The following DOK4 variants were observed in gnomAD, a reference collection of about 807,000 sequenced individuals.
The protein encoded by DOK4 is downstream of tyrosine kinase 4.
In DOK4, 26 loss-of-function variants were observed where a neutral mutation model predicts 40.1. The ratio of observed to expected loss-of-function variants is 0.65; its 90% CI spans 0.48 to 0.90. DOK4 has a LOEUF of 0.90. DOK4 is among the 40% of genes least tolerant of loss of function. The pLI, the probability that DOK4 is intolerant of heterozygous loss-of-function variation, is 0.00. For synonymous variants in DOK4, 179 were observed against 177.0 expected (o/e 1.01, Z -0.09); for missense variants, 392 against 437.2 (o/e 0.90, Z 0.92).
At chr16:57,486,097 A>C (rs1325849952) in intron 1 of DOK4, among the ~76,000 whole-genome samples, 1 of 151,818 alleles carries the variant, frequency 6.6e-6, no homozygotes. Flanking sequence ...CTGCGGGTGG[A>C]GAGAGCGCAG....
exon 3 of DOK4, chr16:57,475,895 C>G (rs750739748): frequency 6.2e-7 from 1 of 1,613,662 alleles, no homozygotes; most frequent in Admixed American, 1.7e-5. Context: ...CTGGATACTT[C>G]TCCAGCCGCT....
intron 4 of DOK4, 121 bp from the exon 5 acceptor site, chr16:57,475,340 G>T: frequency 6.6e-7 from 1 of 1,508,732 alleles, no homozygotes; most frequent in South Asian, 1.2e-5. Flanking sequence ...CTGCCTGCCT[G>T]TCTTGCCTCA....
At chr16:57,472,137 G>C (rs2146608831) in exon 9 of DOK4, 1 of 152,634 alleles carries the variant, frequency 6.6e-6, no homozygotes. Context: ...GGGTCACGTT[G>C]AGAGCGAGGC....
chr16:57,486,041 T>C (rs1426217634), intron 1 of DOK4, among the ~76,000 whole-genome samples: 1 of 151,350 alleles, frequency 6.6e-6, no homozygotes, highest in African/African-American at 2.4e-5. Context: ...TTTGTGTGGG[T>C]GCGGGTGAGG....
Position 57,479,926 on chromosome 16 carries a change from G to A in DOK4, c.-181-238C>T, listed in dbSNP as rs1396012698. ...GGTCCAGCCCAGTCCCCTCCCTCACGGCTGGGGCTGGCAGTTAACCCCTTC... is the reference window on the plus strand; with the variant it reads ...GGTCCAGCCCAGTCCCCTCCCTCACAGCTGGGGCTGGCAGTTAACCCCTTC... On this transcript the variant is annotated intron_variant, in intron 1 of 8. Transcript: ENST00000340099. The surrounding 1 kb of genome is among the most constrained non-coding windows in gnomAD (Gnocchi z 5.8). 1.2e-5 allele frequency: 2 copies of A among 163,946 alleles called. No individual in the cohort carries two copies. Among genetic ancestry groups the A allele is most frequent in the Non-Finnish European group, 2.7e-5 (2 of 75,432 alleles). The allele number at this position is 163,946 out of a possible 1,614,324, so 10.2% of individuals were successfully genotyped here.
Position 57,479,271 on chromosome 16 carries a change from C to T in DOK4, c.66+171G>A, listed in dbSNP as rs1480561889. On this transcript the variant is annotated intron_variant, in intron 2 of 8. Transcript: ENST00000340099. The surrounding 1 kb of genome is among the most constrained non-coding windows in gnomAD (Gnocchi z 5.8). ...GGGGCTGCAGCAGGCAGAACCCAGC[C>T]CAGGCACATGCCAGGCAGCACGCTG... 3.3e-5 allele frequency among the ~76,000 whole-genome samples: 5 copies of T among 152,250 alleles called. No individual in the cohort carries two copies. In the East Asian group the frequency reaches 9.6e-4, roughly 29 times the overall value.
Position 57,479,743 on chromosome 16 carries a change from C to T in DOK4, c.-181-55G>A, listed in dbSNP as rs1294674142. 1.3e-5 allele frequency: 6 copies of T among 453,578 alleles called. No homozygotes were observed. Among genetic ancestry groups the T allele is most frequent in the Non-Finnish European group, 2.0e-5 (5 of 252,052 alleles). The allele number at this position is 453,578 out of a possible 1,614,324, so 28.1% of individuals were successfully genotyped here. A position where few individuals can be genotyped will look rare whatever the true frequency, so the allele number is the denominator to read the frequency against. On this transcript the variant is annotated intron_variant, in intron 1 of 8. Coordinates refer to ENST00000340099, the Ensembl canonical transcript of DOK4. The surrounding 1 kb of genome is among the most constrained non-coding windows in gnomAD (Gnocchi z 5.8). ...GACAGTGACATCTTTCTCTTCCTCT[C>T]GCTGTCTCGCTCTCTTTTTTCCTTC...
intron 2 of DOK4, among the ~76,000 whole-genome samples, chr16:57,477,273 G>A (rs1343709386): frequency 2.0e-5 from 3 of 152,148 alleles, no homozygotes; most frequent in South Asian, 2.1e-4. Flanking sequence ...TCCTATCTGG[G>A]ACCCTAGGAG....
rs1258478749 is a variant in DOK4, at chr16:57,485,298, GC to G, written c.-182+1006del. Among the ~76,000 whole-genome samples the G allele has an allele frequency of 1.3e-5, 2 of 152,328 alleles. No individual in the cohort carries two copies. Among genetic ancestry groups the G allele is most frequent in the Admixed American group, 6.5e-5 (1 of 15,312 alleles). On this transcript the variant is annotated intron_variant, in intron 1 of 8. Transcript: ENST00000340099. The surrounding 1 kb of genome is among the most constrained non-coding windows in gnomAD (Gnocchi z 4.3). ...GGCCAGGGTTGTGGGGTGAGGTCAT[GC>G]CCAGCCCTGCTGCCCTGCCCAGGAG...
rs1357153895 is a variant in DOK4, at chr16:57,475,104, CTG to C, written c.403_404del (p.Gln135AspfsTer68). The C allele has an allele frequency of 6.2e-7, 1 of 1,612,180 alleles. No individual in the cohort carries two copies. Among genetic ancestry groups the C allele is most frequent in the Non-Finnish European group, 8.5e-7 (1 of 1,179,014 alleles). On this transcript the variant is annotated frameshift_variant, in exon 5 of 9. Transcript: ENST00000340099. LOFTEE classifies it high-confidence loss of function. ...AGGGCCAGGGCCCGGCCTCACCTGT[CTG>C]TTCACACTGCACCCCTGGGGCCAGG...
At position 57,475,906 on chromosome 16, in the gene DOK4, G is replaced by A. The variant is rs1428942216; in HGVS notation, c.118C>T (p.Gln40Ter). The change falls in exon 3 of 9, where the codon CAG (glutamine) becomes TAG (stop). Residue 40 changes from glutamine (Q) to a stop codon, truncating the protein, a stop_gained. Coordinates refer to ENST00000340099, the Ensembl canonical transcript of DOK4. LOFTEE classifies it high-confidence loss of function. The stretch of plus-strand genomic sequence containing the variant: ...TCATCTGGATACTTCTCCAGCCGCT[G>A]GGGCCCCTTGCTGGAGGATTTCCGG... The A allele has an allele frequency of 1.2e-6, 2 of 1,613,546 alleles. No homozygotes were observed. Among genetic ancestry groups the A allele is most frequent in the Non-Finnish European group, 1.7e-6 (2 of 1,179,910 alleles).
chr16:57,476,174 G>T, intron 2 of DOK4: 1 of 563,338 alleles, frequency 1.8e-6, no homozygotes, highest in East Asian at 3.0e-5. Context: ...TTCTTGGCTG[G>T]CTCCAAAACG....
intron 1 of DOK4, among the ~76,000 whole-genome samples, 161 bp downstream of exon 1, chr16:57,486,144 G>A (rs1274909196): frequency 5.3e-5 from 8 of 152,008 alleles, no homozygotes; most frequent in African/African-American, 2.4e-5. Context: ...TTTGGGGGGC[G>A]GGTCTCTAAG....
intron 3 of DOK4, 39 bp from the exon 4 acceptor site, chr16:57,475,659 CATCT>C (rs2031121551): frequency 1.4e-6 from 1 of 699,946 alleles, no homozygotes. Flanking sequence ...CAGGCCAGTG[CATCT>C]CTCTCTCTCT....
rs112205613 is a variant in DOK4 at position 57,482,825 on chromosome 16, G to GTA, written c.-181-3139_-181-3138dup. ...TGAAAACTCCAAGGGCTGTGTGTAT[G>GTA]TATATATATATAGTTTTCTTCAAGA... is the stretch of plus-strand genomic sequence containing the variant. On this transcript the variant is annotated intron_variant, in intron 1 of 8. Coordinates refer to ENST00000340099, the Ensembl canonical transcript of DOK4. Among the ~76,000 whole-genome samples, 663 of 152,096 alleles carry GTA rather than the reference G, an allele frequency of 4.4e-3. 4 individuals are homozygous for GTA. The highest frequency in any genetic ancestry group is 0.015 in the African/African-American group (607 of 41,486).
chr16:57,477,664 G>A (rs1209939235), intron 2 of DOK4, among the ~76,000 whole-genome samples: 2 of 152,164 alleles, frequency 1.3e-5, no homozygotes, highest in African/African-American at 4.8e-5. Flanking sequence ...TTCCCACTTC[G>A]CACAGGGCTT....
In DOK4 at chr16:57,475,487, G is replaced by A; in HGVS notation, c.289+19C>T. 6.3e-7 allele frequency: 1 copy of A among 1,585,086 alleles called. No individual in the cohort carries two copies. Among genetic ancestry groups the A allele is most frequent in the African/African-American group, 1.3e-5 (1 of 74,500 alleles). On this transcript the variant is annotated intron_variant, in intron 4 of 8. Coordinates refer to ENST00000340099, the Ensembl canonical transcript of DOK4. ...ACCACCCCAGGGGAGGCAGATGGAG[G>A]CCCATACTCGCGCCTCACCTGAGTC...
At position 57,479,682 on chromosome 16, in the gene DOK4, G is replaced by A. The variant is rs919606125; in HGVS notation, c.-175C>T. 3 of 563,684 alleles carry A rather than the reference G, an allele frequency of 5.3e-6. No homozygotes were observed. The highest frequency in any genetic ancestry group is 3.1e-6 in the Non-Finnish European group (1 of 319,992). The allele number at this position is 563,684 out of a possible 1,614,324, so 34.9% of individuals were successfully genotyped here. ...ATTGTTCTAGCAGCTCCTTCGCCCC[G>A]CGCCTGCTGGAAATAAAAATGACAG... On this transcript the variant is annotated 5_prime_UTR_variant, in exon 2 of 9. Transcript: ENST00000340099. This position sits in a 1 kb window ranked among gnomAD's most constrained non-coding sequence, Gnocchi z 5.8.
At chr16:57,480,952 C>T (rs539223709) in intron 1 of DOK4, among the ~76,000 whole-genome samples, 64 of 152,300 alleles carry the variant, frequency 4.2e-4, no homozygotes, top group Non-Finnish European at 7.6e-4. Context: ...ATCCTGCTGC[C>T]GTCTCTGGCT....
Sources: allele counts gnomAD v4.1 joint callset (sites outside exome capture counted in the v4.1 genomes callset), GRCh38; gene constraint gnomAD v4.1.1; non-coding constraint Gnocchi (gnomAD v3.1); transcripts MANE v1.5; gene names NCBI Gene and HGNC (gene_info 2026-07-23, HGNC 2026-07-21).